Variants in DPH6 observed in about 807,000 individuals in gnomAD.
DPH6 encodes diphthamine biosynthesis 6.
Under a neutral mutation model 38.2 loss-of-function variants are expected in DPH6, and 33 were observed. The observed-to-expected ratio is 0.86, with a 90% CI of 0.65 to 1.15. The LOEUF is 1.15. Among genes scored for constraint, DPH6 ranks in the 50% most tolerant of loss-of-function variants. The probability of loss-of-function intolerance (pLI) is 0.00; values close to 1 mark genes in which losing one functional copy is unlikely to be tolerated. For missense variants in DPH6, 325 were observed against 320.0 expected, an observed-to-expected ratio of 1.02 and a Z score of -0.12; for synonymous variants, 108 against 103.0, an observed-to-expected ratio of 1.05 and a Z score of -0.30.
intron 3 of DPH6, among the ~76,000 whole-genome samples, chr15:35,512,500 G>A (rs1032301427): frequency 6.6e-6 from 1 of 151,938 alleles, no homozygotes; most frequent in Non-Finnish European, 1.5e-5. Flanking sequence ...ACTGGTCATC[G>A]ATCTACTTTA....
At chr15:35,361,980 A>C (rs1301785415) in intron 3 of DPH6, among the ~76,000 whole-genome samples, 2 of 150,866 alleles carry the variant, frequency 1.3e-5, no homozygotes, top group African/African-American at 5.0e-5. Flanking sequence ...TGGGCCTCCG[A>C]TTGGGTCATG....
intron 6 of DPH6, among the ~76,000 whole-genome samples, chr15:35,398,119 A>G (rs554866609): frequency 1.3e-5 from 2 of 152,270 alleles, no homozygotes; most frequent in South Asian, 4.1e-4. Context: ...GGTTCCCAAG[A>G]TGGAGCTCCC....
chr15:35,354,649 T>A (rs1957988433), intron 3 of DPH6, among the ~76,000 whole-genome samples: 1 of 152,174 alleles, frequency 6.6e-6, no homozygotes, highest in Admixed American at 6.5e-5. Context: ...TCATGGTGGA[T>A]AAGCTTTTTG....
At chr15:35,213,920 G>A (rs1004359775), downstream of DPH6, among the ~76,000 whole-genome samples, 2 of 152,192 alleles carry the variant, frequency 1.3e-5, no homozygotes, top group African/African-American at 4.8e-5. Context: ...AGACCATCCT[G>A]GCTAACACGG....
chr15:35,354,258 T>G (rs897794268), intron 3 of DPH6, among the ~76,000 whole-genome samples: 6 of 152,164 alleles, frequency 3.9e-5, no homozygotes, highest in African/African-American at 1.4e-4. Flanking sequence ...TTTTCCTAAT[T>G]GGATACCCTT....
chr15:35,322,558 C>T (rs1243844684), intron 3 of DPH6, among the ~76,000 whole-genome samples: 1 of 152,074 alleles, frequency 6.6e-6, no homozygotes, highest in African/African-American at 2.4e-5. Flanking sequence ...TTTAAAATTT[C>T]CTTTCCTTGT....
chr15:35,145,242 T>C, the DPH6 span, among the ~76,000 whole-genome samples: 1 of 152,226 alleles, frequency 6.6e-6, no homozygotes, highest in Admixed American at 6.5e-5. Flanking sequence ...TTTCTAGTCT[T>C]TTGTGTGCAT....
rs1378297670 is a variant in DPH6, at chr15:35,488,849, TA to T, written c.313-34030del. On this transcript the variant is annotated intron_variant, in intron 3 of 8. Coordinates refer to ENST00000256538, the MANE Select transcript of DPH6 (RefSeq NM_080650.4). ...AGATAAAGACACTGTAATTCAGAGA[TA>T]AAGAGACTTGTATTTTACTAAGTTC... is the stretch of plus-strand genomic sequence containing the variant. 2.0e-5 allele frequency among the ~76,000 whole-genome samples: 3 copies of T among 152,146 alleles called. No individual in the cohort carries two copies. In the East Asian group the frequency reaches 5.8e-4, roughly 29 times the overall value.
intron 8 of DPH6, 105 bp downstream of exon 8, chr15:35,373,416 A>G: frequency 1.0e-6 from 1 of 975,438 alleles, no homozygotes; most frequent in Non-Finnish European, 1.4e-6. Flanking sequence ...GATAAAAATC[A>G]ATTTTCTTTT....
intron 3 of DPH6, among the ~76,000 whole-genome samples, chr15:35,509,928 T>G (rs2054744918): frequency 6.6e-6 from 1 of 152,162 alleles, no homozygotes; most frequent in Non-Finnish European, 1.5e-5. Flanking sequence ...CTTTAAAGAT[T>G]CAGGTAGCTG....
intron 6 of DPH6, among the ~76,000 whole-genome samples, chr15:35,402,641 A>C (rs963461519): frequency 3.3e-5 from 5 of 152,084 alleles, no homozygotes; most frequent in African/African-American, 4.8e-5. Flanking sequence ...CCATTATATA[A>C]TCCATTATTT....
At chr15:35,244,473 C>G (rs1294166993) in intron 3 of DPH6, among the ~76,000 whole-genome samples, 1 of 152,350 alleles carries the variant, frequency 6.6e-6, no homozygotes, top group African/African-American at 2.4e-5. Flanking sequence ...CGCTCTTTCA[C>G]GAACACATTC....
chr15:35,416,043 C>T (rs989260398), intron 5 of DPH6, among the ~76,000 whole-genome samples: 1 of 151,890 alleles, frequency 6.6e-6, no homozygotes, highest in African/African-American at 2.4e-5. Flanking sequence ...TGTTTTAGAC[C>T]ATGGGTATCC....
chr15:35,396,092 A>G (rs2140967920), intron 6 of DPH6: 1 of 152,344 alleles, frequency 6.6e-6, no homozygotes, highest in African/African-American at 2.4e-5. Context: ...CAGTTACGCT[A>G]CTTAAAACAC....
intron 5 of DPH6, among the ~76,000 whole-genome samples, chr15:35,448,219 T>G (rs1441049231): frequency 6.6e-6 from 1 of 152,200 alleles, no homozygotes; most frequent in Non-Finnish European, 1.5e-5. Context: ...TCTATAATTA[T>G]ATGTTTATAG....
At chr15:35,439,850 A>G (rs1879791101) in intron 5 of DPH6, among the ~76,000 whole-genome samples, 1 of 152,204 alleles carries the variant, frequency 6.6e-6, no homozygotes. Context: ...CCAATTTAAA[A>G]AGCCCATGTA....
At chr15:35,292,696 G>A (rs1354139593) in intron 3 of DPH6, among the ~76,000 whole-genome samples, 2 of 152,006 alleles carry the variant, frequency 1.3e-5, no homozygotes, top group African/African-American at 4.8e-5. Context: ...TTATTCATTT[G>A]AACAACAGAA....
At chr15:35,270,899 T>C (rs186142197) in intron 3 of DPH6, among the ~76,000 whole-genome samples, 27 of 152,344 alleles carry the variant, frequency 1.8e-4, no homozygotes, top group Non-Finnish European at 3.7e-4. Flanking sequence ...ATCCTTTTCA[T>C]TTTATAGCTC....
chr15:35,170,005 CA>C, the DPH6 span, among the ~76,000 whole-genome samples: 2 of 152,138 alleles, frequency 1.3e-5, no homozygotes, highest in African/African-American at 4.8e-5. Flanking sequence ...GCACCTATAG[CA>C]AGGTCTGACA....
Sources: allele counts gnomAD v4.1 joint callset (sites outside exome capture counted in the v4.1 genomes callset), GRCh38; gene constraint gnomAD v4.1.1; transcripts MANE v1.5; gene names NCBI Gene and HGNC (gene_info 2026-07-23, HGNC 2026-07-21).